Variants in ASAP1 observed in about 807,000 individuals in gnomAD.
ASAP1 encodes arf-GAP with SH3 domain, ANK repeat and PH domain-containing protein 1.
A neutral mutation model predicts 145.2 loss-of-function variants in ASAP1; 43 were observed. That is an observed-to-expected ratio of 0.30 (90% CI 0.23 to 0.38). The LOEUF (loss-of-function observed/expected upper bound fraction) is 0.38. ASAP1 is among the 10% of genes least tolerant of loss of function. The pLI is 1.00. For synonymous variants in ASAP1, 546 were observed against 515.5 expected, an observed-to-expected ratio of 1.06 and a Z score of -0.80; for missense variants, 1,018 against 1,355.3, an observed-to-expected ratio of 0.75 and a Z score of 3.91.
intron 3 of ASAP1, among the ~76,000 whole-genome samples, chr8:130,261,204 T>C (rs954556861): frequency 6.6e-6 from 1 of 152,180 alleles, no homozygotes; most frequent in Non-Finnish European, 1.5e-5. Flanking sequence ...CCAGTTTAAA[T>C]ATATGTGTGT....
chr8:130,171,242 T>C (rs952486254), intron 9 of ASAP1, among the ~76,000 whole-genome samples: 3 of 152,112 alleles, frequency 2.0e-5, no homozygotes, highest in Non-Finnish European at 4.4e-5. Context: ...GCATATGCTA[T>C]TCCCTCTGCC....
intron 18 of ASAP1, among the ~76,000 whole-genome samples, chr8:130,119,709 A>G (rs2097562494): frequency 6.6e-6 from 1 of 152,160 alleles, no homozygotes; most frequent in Non-Finnish European, 1.5e-5. Flanking sequence ...CTAATTAATA[A>G]AGACAGTAAA....
intron 3 of ASAP1, among the ~76,000 whole-genome samples, chr8:130,309,466 G>C (rs1823194733): frequency 6.6e-6 from 1 of 152,140 alleles, no homozygotes. Flanking sequence ...TAGATAGCTG[G>C]GCTGACATGA....
In ASAP1 at chr8:130,085,284, C is replaced by T. The variant is rs574692415; in HGVS notation, c.2573-5313G>A. 3.9e-5 allele frequency among the ~76,000 whole-genome samples: 6 copies of T among 152,322 alleles called. No individual in the cohort carries two copies. In the South Asian group the frequency reaches 1.0e-3, roughly 26 times the overall value. ...TTAGGGTCAAATCCGTGGCCCACTT[C>T]CAGACACTGTATGTGACTTTTTGTT... On this transcript the variant is annotated intron_variant, in intron 25 of 29. Coordinates refer to ENST00000518721, the MANE Select transcript of ASAP1 (RefSeq NM_018482.4).
At chr8:130,135,402 T>G (rs1384545450) in intron 14 of ASAP1, among the ~76,000 whole-genome samples, 1 of 152,024 alleles carries the variant, frequency 6.6e-6, no homozygotes, top group Non-Finnish European at 1.5e-5. Context: ...GCAGGATCAC[T>G]AGAGCCCAGG....
At chr8:130,194,211 A>G (rs1363628854) in intron 5 of ASAP1, among the ~76,000 whole-genome samples, 1 of 152,216 alleles carries the variant, frequency 6.6e-6, no homozygotes, top group Non-Finnish European at 1.5e-5. Context: ...AAGTCTTTCC[A>G]ACTAACTTCC....
chr8:130,378,557 G>T (rs78015187), intron 2 of ASAP1, among the ~76,000 whole-genome samples: 4,560 of 152,314 alleles, frequency 0.03, 106 homozygotes, highest in Middle Eastern at 0.068. Flanking sequence ...GTGCAGGGAG[G>T]GATTGGAGCT....
At chr8:130,283,586 A>G (rs1271511378) in intron 3 of ASAP1, among the ~76,000 whole-genome samples, 1 of 7,696 alleles carries the variant, frequency 1.3e-4, no homozygotes, top group African/African-American at 4.9e-4. Flanking sequence ...CATCACAGAA[A>G]GAAAAAAAAA....
chr8:130,069,696 A>T (rs2135168554), intron 27 of ASAP1: 1 of 152,354 alleles, frequency 6.6e-6, no homozygotes, highest in Admixed American at 6.5e-5. Flanking sequence ...GGGTGGACCA[A>T]ACCCCTCCGC....
intron 11 of ASAP1, among the ~76,000 whole-genome samples, chr8:130,162,199 G>T (rs766998759): frequency 2.0e-4 from 31 of 152,322 alleles, no homozygotes; most frequent in Middle Eastern, 3.4e-3. Context: ...CTAAATGGAG[G>T]TAGGACTGAG....
chr8:130,379,675 T>C (rs1827675888), intron 2 of ASAP1, among the ~76,000 whole-genome samples: 2 of 152,122 alleles, frequency 1.3e-5, no homozygotes, highest in Admixed American at 1.3e-4. Context: ...AGAAGTGGTG[T>C]CAGAAAGAAG....
At chr8:130,062,808 T>C (rs2135085202) in intron 27 of ASAP1, among the ~76,000 whole-genome samples, 1 of 152,268 alleles carries the variant, frequency 6.6e-6, no homozygotes. Flanking sequence ...GGGGATTGTA[T>C]GGACAATAAA....
At chr8:130,438,465 T>G (rs536092471) in intron 1 of ASAP1, among the ~76,000 whole-genome samples, 1 of 152,132 alleles carries the variant, frequency 6.6e-6, no homozygotes, top group African/African-American at 2.4e-5. Context: ...AACAAGGTTT[T>G]AGCCATACAA....
rs1565003278 is a variant in ASAP1 at position 130,137,047 on chromosome 8, A to G, written c.1081-9T>C. On this transcript the variant is annotated splice_polypyrimidine_tract_variant and intron_variant, in intron 13 of 29. Coordinates refer to ENST00000518721, the MANE Select transcript of ASAP1 (RefSeq NM_018482.4). ...GCTGGTTGCCTGTTAGACTGGAAAAAAAGAGAAAATGGAGAAGTTACATGC... is the reference window on the plus strand; with the variant it reads ...GCTGGTTGCCTGTTAGACTGGAAAAGAAGAGAAAATGGAGAAGTTACATGC... 6.2e-7 allele frequency: 1 copy of G among 1,613,178 alleles called. No individual in the cohort carries two copies.
At chr8:130,263,703 G>C (rs997140982) in intron 3 of ASAP1, among the ~76,000 whole-genome samples, 2 of 152,188 alleles carry the variant, frequency 1.3e-5, no homozygotes, top group Non-Finnish European at 2.9e-5. Context: ...AGCAAGATCA[G>C]GGAATCAAGC....
intron 27 of ASAP1, 52 bp downstream of exon 27, chr8:130,076,296 A>C: frequency 7.1e-7 from 1 of 1,401,658 alleles, no homozygotes; most frequent in Admixed American, 1.9e-5. Flanking sequence ...GGCCCCTTGG[A>C]GGGGGTAGTG....
rs1565153117 is a variant in ASAP1, at chr8:130,266,746, T to C, written c.187-29752A>G. Among the ~76,000 whole-genome samples, 3 of 151,778 alleles carry C rather than the reference T, an allele frequency of 2.0e-5. No individual in the cohort carries two copies. In the South Asian group the frequency reaches 6.2e-4, roughly 32 times the overall value. ...CAATTTGTAAAAATAAAGACCTAAA[T>C]AGTAAAATAAAATGAGAATAAAAAT... On this transcript the variant is annotated intron_variant, in intron 3 of 29. Coordinates refer to ENST00000518721, the MANE Select transcript of ASAP1 (RefSeq NM_018482.4).
chr8:130,155,008 C>A (rs2097655266), intron 12 of ASAP1, among the ~76,000 whole-genome samples: 1 of 152,170 alleles, frequency 6.6e-6, no homozygotes, highest in African/African-American at 2.4e-5. Flanking sequence ...CTCACAAGAG[C>A]CTGCTAACAT....
At chr8:130,058,154 T>C (rs2097408448) in intron 28 of ASAP1, 78 bp from the exon 29 acceptor site, 1 of 1,540,728 alleles carries the variant, frequency 6.5e-7, no homozygotes, top group South Asian at 1.1e-5. Flanking sequence ...TGTAAAATGG[T>C]TGACCTTGGC....
Sources: allele counts gnomAD v4.1 joint callset (sites outside exome capture counted in the v4.1 genomes callset), GRCh38; gene constraint gnomAD v4.1.1; transcripts MANE v1.5; gene names NCBI Gene and HGNC (gene_info 2026-07-23, HGNC 2026-07-21).